Variants in USP15 observed in about 807,000 individuals in gnomAD.
USP15 encodes the protein ubiquitin carboxyl-terminal hydrolase 15.
A neutral mutation model predicts 127.1 loss-of-function variants in USP15; 18 were observed. That is an observed-to-expected ratio of 0.14 (90% CI 0.10 to 0.21). The LOEUF (loss-of-function observed/expected upper bound fraction) is 0.21, where lower values mean the gene tolerates loss of function less well. USP15 is among the 10% of genes least tolerant of loss of function. The pLI, the probability that USP15 is intolerant of heterozygous loss-of-function variation, is 1.00. For missense variants in USP15, 805 were observed against 1,159.9 expected (o/e 0.69, Z 4.44); for synonymous variants, 364 against 393.7 (o/e 0.92, Z 0.89).
chr12:62,330,851 A>G (rs1040758763), intron 6 of USP15, among the ~76,000 whole-genome samples: 1 of 150,912 alleles, frequency 6.6e-6, no homozygotes, highest in Non-Finnish European at 1.5e-5. Context: ...GCATGAGCCC[A>G]GGAGTTCAAG....
intron 6 of USP15, chr12:62,336,437 TAGTC>T: frequency 6.1e-6 from 6 of 985,424 alleles, no homozygotes; most frequent in Non-Finnish European, 7.2e-6. Flanking sequence ...CTTGTCTAGT[TAGTC>T]AGCAAGTCTT....
rs1261446202 is a variant in USP15 at position 62,411,925 on chromosome 12, T to C, written c.*7550T>C. 6.6e-6 allele frequency: 1 copy of C among 152,180 alleles called. No individual in the cohort carries two copies. Among genetic ancestry groups the C allele is most frequent in the Non-Finnish European group, 1.5e-5 (1 of 68,038 alleles). 9.4% of individuals were successfully genotyped at this position (152,180 alleles called of 1,614,324 possible). ...AAGCCCTCACCCTCATGACCTCATC[T>C]AAACCTAATTATCTCCTAAAGACTT... On this transcript the variant is annotated 3_prime_UTR_variant, in exon 22 of 22. Transcript: ENST00000280377.
intron 1 of USP15, among the ~76,000 whole-genome samples, chr12:62,261,883 A>G (rs765742279): frequency 1.3e-5 from 2 of 152,168 alleles, no homozygotes; most frequent in Non-Finnish European, 2.9e-5. Context: ...AGAAATCCCT[A>G]AGGATGTAAA....
chr12:62,293,135 G>A (rs2064023787), intron 1 of USP15, among the ~76,000 whole-genome samples: 2 of 152,078 alleles, frequency 1.3e-5, no homozygotes, highest in Non-Finnish European at 2.9e-5. Context: ...GAGAGCAGAG[G>A]AGCTCTCCCA....
intron 6 of USP15, among the ~76,000 whole-genome samples, chr12:62,334,384 A>G (rs988248948): frequency 6.6e-6 from 1 of 152,198 alleles, no homozygotes; most frequent in Non-Finnish European, 1.5e-5. Flanking sequence ...CAAATATTAT[A>G]TGTAAAAGTA....
intron 1 of USP15, among the ~76,000 whole-genome samples, chr12:62,266,901 T>C (rs1239341052): frequency 6.6e-6 from 1 of 152,128 alleles, no homozygotes; most frequent in African/African-American, 2.4e-5. Context: ...TACACTTCAT[T>C]TTATCTTTGA....
rs1029355233 is a variant in USP15, at chr12:62,377,727, C to CA, written c.916-3752dup. On this transcript the variant is annotated intron_variant, in intron 8 of 21. Coordinates refer to ENST00000280377, the MANE Select transcript of USP15 (RefSeq NM_001252078.2). ...GGACAACAAAGTGAGATTCCATCTC[C>CA]AAAAAAAAAAAGAAACCGGCTTCTT... is the stretch of plus-strand genomic sequence containing the variant. 8.3e-3 allele frequency among the ~76,000 whole-genome samples: 1,102 copies of CA among 133,296 alleles called. 8 individuals are homozygous for CA. Among genetic ancestry groups the CA allele is most frequent in the African/African-American group, 0.027 (962 of 36,292 alleles). The allele number at this position is 133,296 out of a possible 152,430, so 87.4% of individuals were successfully genotyped here.
At chr12:62,264,108 C>T (rs1056190965) in intron 1 of USP15, among the ~76,000 whole-genome samples, 4 of 152,156 alleles carry the variant, frequency 2.6e-5, no homozygotes, top group African/African-American at 4.8e-5. Context: ...CCTCAGCCTC[C>T]GCAGTAGCTG....
intron 18 of USP15, 74 bp downstream of exon 18, chr12:62,392,461 G>A: frequency 9.4e-7 from 1 of 1,062,130 alleles, no homozygotes; most frequent in South Asian, 1.7e-5. Flanking sequence ...ACATCAAGTT[G>A]AAAAAGTAAT....
intron 11 of USP15, among the ~76,000 whole-genome samples, chr12:62,385,016 CT>C (rs1565904364): frequency 6.6e-6 from 1 of 151,846 alleles, no homozygotes; most frequent in African/African-American, 2.4e-5. Context: ...GTAACTTCTT[CT>C]TTTTCTACCT....
intron 11 of USP15, among the ~76,000 whole-genome samples, chr12:62,388,117 ATTTTTTTTTTT>A (rs58192089): frequency 9.4e-6 from 1 of 106,586 alleles, no homozygotes; most frequent in African/African-American, 3.6e-5. Flanking sequence ...AATGGTGAAG[ATTTTTTTTTTT>A]TTTTTTTTTT....
At chr12:62,378,456 T>A (rs376388724) in intron 8 of USP15, among the ~76,000 whole-genome samples, 2 of 152,314 alleles carry the variant, frequency 1.3e-5, no homozygotes, top group East Asian at 3.9e-4. Flanking sequence ...TTGGGCCCAT[T>A]TAGGACTAAA....
rs373840413 is a variant in USP15 at position 62,302,914 on chromosome 12, A to G, written c.342A>G (p.Ala114=). The G allele has an allele frequency of 7.4e-6, 12 of 1,610,812 alleles. No individual in the cohort carries two copies. The East Asian group carries it at 2.0e-4, about 27-fold the overall frequency. The change falls in exon 3 of 22, where the codon GCA becomes GCG. Residue 114 remains alanine, a synonymous_variant. Coordinates refer to ENST00000280377, the MANE Select transcript of USP15 (RefSeq NM_001252078.2). The part of the protein sequence containing the change: ...YTLMEGQEPI[A]RKVVEQGMFV... ...TGATGGAAGGTCAAGAGCCAATAGC[A>G]CGAAAGGTACATTTTAATAATAACT...
chr12:62,288,743 T>G (rs2063858896), intron 1 of USP15, among the ~76,000 whole-genome samples: 1 of 152,164 alleles, frequency 6.6e-6, no homozygotes, highest in Non-Finnish European at 1.5e-5. Context: ...GTTTGTGACT[T>G]TTATTATTTT....
At chr12:62,373,084 AATT>A (rs2066724840) in intron 8 of USP15, among the ~76,000 whole-genome samples, 1 of 152,080 alleles carries the variant, frequency 6.6e-6, no homozygotes. Context: ...CTGGTGAAAT[AATT>A]ATCACAGAGA....
intron 1 of USP15, among the ~76,000 whole-genome samples, chr12:62,268,302 T>G (rs1024951946): frequency 3.9e-5 from 6 of 152,138 alleles, no homozygotes; most frequent in Non-Finnish European, 7.4e-5. Flanking sequence ...AAATTCTAAG[T>G]GTACTGCCTG....
At chr12:62,264,534 A>T (rs903934057) in intron 1 of USP15, among the ~76,000 whole-genome samples, 2 of 152,218 alleles carry the variant, frequency 1.3e-5, no homozygotes, top group African/African-American at 4.8e-5. Context: ...CAGAGTAAGT[A>T]ATTTGTGTGT....
intron 6 of USP15, among the ~76,000 whole-genome samples, chr12:62,342,708 C>T (rs894529217): frequency 2.0e-5 from 3 of 152,150 alleles, no homozygotes; most frequent in South Asian, 2.1e-4. Context: ...AGACCCTGTT[C>T]GCCTGGTTAT....
chr12:62,279,645 A>C (rs1337598854), intron 1 of USP15, among the ~76,000 whole-genome samples: 1 of 152,158 alleles, frequency 6.6e-6, no homozygotes, highest in African/African-American at 2.4e-5. Context: ...TGTTTTTTTC[A>C]ATAATAGCCA....
Sources: allele counts gnomAD v4.1 joint callset (sites outside exome capture counted in the v4.1 genomes callset), GRCh38; gene constraint gnomAD v4.1.1; transcripts MANE v1.5; gene names NCBI Gene and HGNC (gene_info 2026-07-23, HGNC 2026-07-21).